The following LRRC4C variants were observed in gnomAD, a reference collection of about 807,000 sequenced individuals.
LRRC4C encodes leucine rich repeat containing 4C, also known as leucine-rich repeat-containing protein 4C.
A neutral mutation model predicts 33.6 loss-of-function variants in LRRC4C; 5 were observed. That is an observed-to-expected ratio of 0.15 (90% CI 0.08 to 0.31). The LOEUF (loss-of-function observed/expected upper bound fraction) is 0.31. Among genes scored for constraint, LRRC4C ranks in the 10% least tolerant of loss-of-function variants. The pLI is 1.00. For missense variants in LRRC4C, 560 were observed against 796.7 expected (o/e 0.70, Z 3.58); for synonymous variants, 329 against 302.0 (o/e 1.09, Z -0.93).
intron 3 of LRRC4C, among the ~76,000 whole-genome samples, chr11:40,543,747 C>T (rs1956811053): frequency 6.6e-6 from 1 of 152,048 alleles, no homozygotes; most frequent in Non-Finnish European, 1.5e-5. Context: ...TTTAAGCCAG[C>T]TTATGGTCTT....
intron 6 of LRRC4C, among the ~76,000 whole-genome samples, chr11:40,122,878 A>G (rs923891711): frequency 2.0e-5 from 3 of 151,112 alleles, no homozygotes; most frequent in African/African-American, 4.9e-5. Flanking sequence ...AAACAAATAT[A>G]TATATATAGA....
At chr11:40,200,733 C>G (rs1169175942) in intron 5 of LRRC4C, among the ~76,000 whole-genome samples, 1 of 131,726 alleles carries the variant, frequency 7.6e-6, no homozygotes, top group East Asian at 2.2e-4. Flanking sequence ...GCCACTGCAC[C>G]CCAGACTGGG....
intron 1 of LRRC4C, among the ~76,000 whole-genome samples, chr11:41,195,630 A>G (rs1946148497): frequency 6.6e-6 from 1 of 152,078 alleles, no homozygotes; most frequent in Non-Finnish European, 1.5e-5. Context: ...TGATATGTCT[A>G]TTTTATATTC....
intron 2 of LRRC4C, among the ~76,000 whole-genome samples, chr11:40,686,119 G>A (rs1944940369): frequency 6.6e-6 from 1 of 151,912 alleles, no homozygotes; most frequent in Non-Finnish European, 1.5e-5. Context: ...TAAGACTTTG[G>A]GGTTTGAATT....
intron 1 of LRRC4C, among the ~76,000 whole-genome samples, chr11:41,106,702 G>T (rs1450508782): frequency 6.6e-6 from 1 of 151,988 alleles, no homozygotes; most frequent in Non-Finnish European, 1.5e-5. Context: ...GAATAGTACG[G>T]GTTGAGTATC....
intron 3 of LRRC4C, among the ~76,000 whole-genome samples, chr11:40,364,572 T>C (rs953899451): frequency 6.6e-6 from 1 of 151,948 alleles, no homozygotes; most frequent in Non-Finnish European, 1.5e-5. Context: ...GAATACAAAT[T>C]AGCAATGAGA....
At chr11:40,403,456 TTGTC>T in intron 3 of LRRC4C, among the ~76,000 whole-genome samples, 1 of 152,228 alleles carries the variant, frequency 6.6e-6, no homozygotes, top group African/African-American at 2.4e-5. Flanking sequence ...TTTATATAGT[TTGTC>T]TGAAAATTGA....
chr11:40,479,565 CATG>C (rs1196664396), intron 3 of LRRC4C, among the ~76,000 whole-genome samples: 1 of 152,066 alleles, frequency 6.6e-6, no homozygotes, highest in Non-Finnish European at 1.5e-5. Flanking sequence ...CAAATTCATC[CATG>C]ATAAAATGAA....
chr11:41,042,153 C>T (rs573817676), intron 1 of LRRC4C, among the ~76,000 whole-genome samples: 20 of 152,278 alleles, frequency 1.3e-4, no homozygotes, highest in African/African-American at 4.6e-4. Context: ...GGACAAACTA[C>T]TTGTTCCATG....
intron 3 of LRRC4C, among the ~76,000 whole-genome samples, chr11:40,596,294 A>T (rs1591225263): frequency 6.6e-6 from 1 of 152,218 alleles, no homozygotes; most frequent in South Asian, 2.1e-4. Flanking sequence ...TAAACCCAAT[A>T]GTCTTTTTTC....
At chr11:41,458,753 C>T (rs1385503369) in intron 1 of LRRC4C, among the ~76,000 whole-genome samples, 1 of 151,986 alleles carries the variant, frequency 6.6e-6, no homozygotes, top group Non-Finnish European at 1.5e-5. Flanking sequence ...ATGAGCGACA[C>T]TAGTCTTAAT....
intron 1 of LRRC4C, among the ~76,000 whole-genome samples, chr11:41,418,176 C>G (rs574270827): frequency 6.6e-6 from 1 of 151,892 alleles, no homozygotes; most frequent in Non-Finnish European, 1.5e-5. Flanking sequence ...CAAGAATTAT[C>G]AGATTTACAT....
chr11:40,725,407 C>G (rs531330093), intron 2 of LRRC4C, among the ~76,000 whole-genome samples: 6 of 151,974 alleles, frequency 3.9e-5, no homozygotes, highest in African/African-American at 1.4e-4. Context: ...ACTAGGGAGG[C>G]TGAGGCAGGA....
intron 2 of LRRC4C, among the ~76,000 whole-genome samples, chr11:40,753,718 G>C (rs370692685): frequency 6.5e-4 from 99 of 151,732 alleles, no homozygotes; most frequent in African/African-American, 2.2e-3. Context: ...ATTCTAAAGT[G>C]CGTCATATTC....
At chr11:40,711,912 C>T (rs957076533) in intron 2 of LRRC4C, among the ~76,000 whole-genome samples, 2 of 152,114 alleles carry the variant, frequency 1.3e-5, no homozygotes, top group African/African-American at 2.4e-5. Context: ...CTTTGCATTT[C>T]CTTTCTCCTG....
intron 3 of LRRC4C, among the ~76,000 whole-genome samples, chr11:40,553,208 G>A (rs946748024): frequency 6.6e-6 from 1 of 152,108 alleles, no homozygotes; most frequent in Admixed American, 6.6e-5. Flanking sequence ...GGAGACGGAG[G>A]TGGCAGTGAG....
intron 5 of LRRC4C, among the ~76,000 whole-genome samples, chr11:40,165,932 C>T (rs929203828): frequency 3.3e-5 from 5 of 151,984 alleles, no homozygotes; most frequent in Admixed American, 6.6e-5. Flanking sequence ...GCAAGGAGAG[C>T]GAAACTCTGT....
intron 3 of LRRC4C, among the ~76,000 whole-genome samples, chr11:40,500,287 TATATATACACACACAC>T (rs1278003575): frequency 3.5e-4 from 25 of 71,066 alleles, no homozygotes; most frequent in African/African-American, 1.2e-3. Flanking sequence ...TATATATATA[TATATATACACACACAC>T]ACACACACAC....
intron 1 of LRRC4C, among the ~76,000 whole-genome samples, chr11:40,979,363 A>T (rs1263664437): frequency 6.6e-6 from 1 of 152,218 alleles, no homozygotes; most frequent in Non-Finnish European, 1.5e-5. Flanking sequence ...ATAGTCAATA[A>T]ATTAATGACT....
Sources: allele counts gnomAD v4.1 joint callset (sites outside exome capture counted in the v4.1 genomes callset), GRCh38; gene constraint gnomAD v4.1.1; transcripts MANE v1.5; gene names NCBI Gene and HGNC (gene_info 2026-07-23, HGNC 2026-07-21).